The following USP48 variants were observed in gnomAD, a reference collection of about 807,000 sequenced individuals.
The protein encoded by USP48 is ubiquitin carboxyl-terminal hydrolase 48.
Under a neutral mutation model 150.7 loss-of-function variants are expected in USP48, and 43 were observed. That is an observed-to-expected ratio of 0.29 (90% CI 0.22 to 0.37). USP48 has a LOEUF of 0.37. Ranked by LOEUF, USP48 falls within the 10% of genes least tolerant of loss-of-function variation. The pLI is 1.00. For missense variants in USP48, 813 were observed against 1,249.6 expected (o/e 0.65, Z 5.27); for synonymous variants, 396 against 425.9 (o/e 0.93, Z 0.86).
In USP48 at chr1:21,703,614, G is replaced by A. The variant is rs143047766; in HGVS notation, c.2520C>T (p.Leu840=). Residue 840 remains leucine (L), a synonymous_variant, in exon 21 of 27, where the codon CTC becomes CTT. Coordinates refer to ENST00000308271, the MANE Select transcript of USP48 (RefSeq NM_032236.8). ...ATAAGCCTTCTCTGCATTCTGGACA[G>A]AGTTCTTTGGGGGAAAAAAAAAAAG... ...SETQYISEPK[L]CPECREGLLC... The A allele has an allele frequency of 1.9e-6, 3 of 1,598,292 alleles. No individual in the cohort carries two copies. Among genetic ancestry groups the A allele is most frequent in the Non-Finnish European group, 2.6e-6 (3 of 1,175,892 alleles).
intron 1 of USP48, among the ~76,000 whole-genome samples, chr1:21,766,412 T>A (rs1295682081): frequency 6.6e-6 from 1 of 151,994 alleles, no homozygotes; most frequent in Non-Finnish European, 1.5e-5. Flanking sequence ...AGTAGAAAAG[T>A]AGTAGGCTAG....
At chr1:21,721,611 T>C in intron 13 of USP48, 39 bp downstream of exon 13, 3 of 1,318,932 alleles carry the variant, frequency 2.3e-6, no homozygotes, top group Non-Finnish European at 3.1e-6. Context: ...CTTGAAAACT[T>C]CTTAGTTTAT....
chr1:21,724,364 G>A, intron 11 of USP48: 1 of 590,884 alleles, frequency 1.7e-6, no homozygotes, highest in Non-Finnish European at 3.0e-6. Flanking sequence ...TTCTACAAGA[G>A]GCATCCACAT....
intron 9 of USP48, among the ~76,000 whole-genome samples, chr1:21,733,078 G>C (rs929869428): frequency 6.6e-5 from 10 of 152,138 alleles, no homozygotes; most frequent in African/African-American, 2.2e-4. Flanking sequence ...TAAAATACCA[G>C]GAACATGCAC....
chr1:21,697,283 C>T (rs1035848997), intron 22 of USP48, among the ~76,000 whole-genome samples: 14 of 149,774 alleles, frequency 9.3e-5, no homozygotes, highest in Admixed American at 4.0e-4. Flanking sequence ...CTAAGATTCA[C>T]GAGAAAAAGT....
chr1:21,714,977 G>T (rs2097700377), intron 15 of USP48: 1 of 157,590 alleles, frequency 6.3e-6, no homozygotes, highest in African/African-American at 2.4e-5. Flanking sequence ...AGCTACTCAG[G>T]AGGCCAAGGC....
chr1:21,721,349 G>C (rs2097720451), intron 13 of USP48, among the ~76,000 whole-genome samples, 183 bp from the exon 14 acceptor site: 1 of 152,192 alleles, frequency 6.6e-6, no homozygotes, highest in East Asian at 1.9e-4. Flanking sequence ...GAACTGCAGG[G>C]ATCTAATATT....
chr1:21,777,706 G>A (rs965619499), intron 1 of USP48, among the ~76,000 whole-genome samples: 1 of 151,750 alleles, frequency 6.6e-6, no homozygotes, highest in African/African-American at 2.4e-5. Context: ...AGAAGAAATT[G>A]GACTACATCA....
rs939099292 is a variant in USP48, at chr1:21,771,459, G to A, written c.134+11365C>T. On this transcript the variant is annotated intron_variant, in intron 1 of 26. Transcript: ENST00000308271. ...TTATAATTATAAATTATAATATAAT[G>A]GTTAATTATAAATTATTTATTTATT... 4.1e-5 allele frequency among the ~76,000 whole-genome samples: 6 copies of A among 147,372 alleles called. No homozygotes were observed. In the Admixed American group the frequency reaches 4.1e-4, roughly 10 times the overall value.
chr1:21,752,413 A>G lies in USP48; in HGVS notation c.665+114T>C. On this transcript the variant is annotated intron_variant, in intron 5 of 26. Coordinates refer to ENST00000308271, the MANE Select transcript of USP48 (RefSeq NM_032236.8). Reference sequence around the variant, plus strand: ...GGAAATGTATTACTATAAATATTTCAGGTCCCATGATAAACCACTAAAGCT... The same window carrying G: ...GGAAATGTATTACTATAAATATTTCGGGTCCCATGATAAACCACTAAAGCT... 3.3e-6 allele frequency: 4 copies of G among 1,230,634 alleles called. No individual in the cohort carries two copies. The South Asian group carries it at 4.3e-5, about 13-fold the overall frequency. 76.2% of individuals were successfully genotyped at this position (1,230,634 alleles called of 1,614,324 possible).
At chr1:21,693,298 T>C (rs2097608957) in intron 23 of USP48, among the ~76,000 whole-genome samples, 1 of 152,232 alleles carries the variant, frequency 6.6e-6, no homozygotes, top group African/African-American at 2.4e-5. Flanking sequence ...CACAGCAAGC[T>C]TTGTAATGTT....
intron 22 of USP48, among the ~76,000 whole-genome samples, chr1:21,699,749 C>G (rs1189840459): frequency 6.6e-6 from 1 of 151,846 alleles, no homozygotes; most frequent in Non-Finnish European, 1.5e-5. Flanking sequence ...CTCTTAACCT[C>G]AAGTGATCCA....
At chr1:21,706,321 A>T in intron 17 of USP48, 134 bp from the exon 18 acceptor site, 1 of 1,490,060 alleles carries the variant, frequency 6.7e-7, no homozygotes, top group African/African-American at 1.4e-5. Flanking sequence ...ACCAAAAAAT[A>T]GCAGGCTGGA....
chr1:21,697,554 T>C (rs1431668410), intron 22 of USP48, among the ~76,000 whole-genome samples: 3 of 151,208 alleles, frequency 2.0e-5, no homozygotes, highest in Non-Finnish European at 4.4e-5. Flanking sequence ...TCCCAGCTAC[T>C]TGGGAGGCTG....
chr1:21,711,383 G>C (rs1243262987), intron 15 of USP48, among the ~76,000 whole-genome samples: 1 of 152,084 alleles, frequency 6.6e-6, no homozygotes. Flanking sequence ...CTCTGCCCTT[G>C]AGATCACTGC....
In USP48 at chr1:21,693,187, A is replaced by C. The variant is rs549712197; in HGVS notation, c.2883+1879T>G. On this transcript the variant is annotated intron_variant, in intron 23 of 26. Transcript: ENST00000308271. The stretch of plus-strand genomic sequence containing the variant: ...CTAAAGATCTATCTTTGGGAAAATG[A>C]AATAATACAACTAAACACTGCACAT... Among the ~76,000 whole-genome samples the C allele has an allele frequency of 4.6e-5, 7 of 152,358 alleles. No homozygotes were observed. In the East Asian group the frequency reaches 1.3e-3, roughly 29 times the overall value.
At position 21,703,554 on chromosome 1, in the gene USP48, A is replaced by G; in HGVS notation, c.2580T>C (p.Thr860=). 2 of 1,612,666 alleles carry G rather than the reference A, an allele frequency of 1.2e-6. No homozygotes were observed. Among genetic ancestry groups the G allele is most frequent in the East Asian group, 2.2e-5 (1 of 44,860 alleles). The part of the protein sequence containing the change: ...CQQQRDLREY[T]QATIYVHKVV... ...CTTTATGGACATAGATGGTGGCTTG[A>G]GTGTATTCACGCAGGTCCCTCTGCT... Residue 860 remains threonine, a synonymous_variant, in exon 21 of 27, where the codon ACT becomes ACC. Coordinates refer to ENST00000308271, the MANE Select transcript of USP48 (RefSeq NM_032236.8).
intron 22 of USP48, among the ~76,000 whole-genome samples, chr1:21,698,022 T>G (rs992932332): frequency 2.0e-5 from 3 of 152,138 alleles, no homozygotes; most frequent in Admixed American, 1.3e-4. Flanking sequence ...GTTGGGTTGA[T>G]CTAGCTTAGA....
At chr1:21,771,980 G>C (rs963024160) in intron 1 of USP48, among the ~76,000 whole-genome samples, 2 of 151,734 alleles carry the variant, frequency 1.3e-5, no homozygotes, top group African/African-American at 4.8e-5. Context: ...ATGTAATAAA[G>C]GTGGATTTTT....
Sources: gnomAD v4.1 joint callset for allele counts (sites outside exome capture counted in the v4.1 genomes callset) on GRCh38, gnomAD v4.1.1 for gene constraint, MANE v1.5 for transcripts, NCBI Gene and HGNC (gene_info 2026-07-23, HGNC 2026-07-21) for gene names.